Variants in DMD observed in about 807,000 individuals in gnomAD.
DMD encodes the protein mutant dystrophin.
In DMD, 63 loss-of-function variants were observed where a neutral mutation model predicts 330.1. The ratio of observed to expected loss-of-function variants is 0.19; its 90% CI spans 0.16 to 0.24. DMD has a LOEUF of 0.24. Ranked by LOEUF, DMD falls within the 10% of genes least tolerant of loss-of-function variation. DMD has a pLI of 1.00. For synonymous variants in DMD, 1,223 were observed against 959.8 expected, an observed-to-expected ratio of 1.27 and a Z score of -5.07; for missense variants, 3,344 against 2,684.1, an observed-to-expected ratio of 1.25 and a Z score of -5.43.
chrX:31,857,939 A>G (rs2093642016), intron 48 of DMD, among the ~76,000 whole-genome samples: 1 of 110,230 alleles, frequency 9.1e-6, no homozygotes, highest in Admixed American at 9.8e-5. Flanking sequence ...TCCCACTGAC[A>G]CTATTGCTCA....
chrX:33,321,469 C>A (rs1000353331), intron 1 of DMD, among the ~76,000 whole-genome samples: 1 of 111,200 alleles, frequency 9.0e-6, no homozygotes, highest in Non-Finnish European at 1.9e-5. Flanking sequence ...GTCTCAACCC[C>A]GGGCTTAAAA....
chrX:32,620,680 C>A (rs1162876444), intron 11 of DMD, among the ~76,000 whole-genome samples: 1 of 112,016 alleles, frequency 8.9e-6, no homozygotes, highest in African/African-American at 3.2e-5. Flanking sequence ...TTCAACAAAT[C>A]TTTACTGAGT....
At chrX:32,997,797 C>T (rs1006006405) in intron 2 of DMD, among the ~76,000 whole-genome samples, 2 of 111,571 alleles carry the variant, frequency 1.8e-5, no homozygotes, top group Non-Finnish European at 3.8e-5. Flanking sequence ...GAGACTGCAT[C>T]AGAGGAATCT....
At chrX:32,676,487 A>T (rs1393284314) in intron 9 of DMD, among the ~76,000 whole-genome samples, 1 of 111,448 alleles carries the variant, frequency 9.0e-6, no homozygotes, top group Non-Finnish European at 1.9e-5. Context: ...TCAGAATTTC[A>T]TTGCCATTTT....
intron 17 of DMD, among the ~76,000 whole-genome samples, chrX:32,531,799 C>A (rs1169624999): frequency 9.0e-6 from 1 of 110,672 alleles, no homozygotes; most frequent in East Asian, 2.8e-4. Flanking sequence ...AATTACTGTT[C>A]ATTGCTACAC....
intron 7 of DMD, among the ~76,000 whole-genome samples, chrX:32,703,853 C>T (rs1180681242): frequency 9.0e-6 from 1 of 111,639 alleles, no homozygotes; most frequent in African/African-American, 3.3e-5. Context: ...TATTACACGA[C>T]ATTAAGATTT....
intron 55 of DMD, among the ~76,000 whole-genome samples, chrX:31,621,685 G>C (rs375779009): frequency 1.8e-5 from 2 of 111,912 alleles, no homozygotes; most frequent in Non-Finnish European, 3.8e-5. Flanking sequence ...CAATAAGCTA[G>C]TAAGTGCTAA....
intron 55 of DMD, among the ~76,000 whole-genome samples, chrX:31,517,913 T>C (rs1004336243): frequency 4.7e-5 from 4 of 85,480 alleles, no homozygotes; most frequent in Non-Finnish European, 8.9e-5. Context: ...ATATGCTGTG[T>C]TTCAAACACA....
At chrX:31,621,389 T>C (rs2078522136) in intron 55 of DMD, among the ~76,000 whole-genome samples, 1 of 111,894 alleles carries the variant, frequency 8.9e-6, no homozygotes, top group African/African-American at 3.3e-5. Flanking sequence ...TCTCATATCT[T>C]TCCAATTCAT....
At chrX:32,802,977 C>A (rs2076688529) in intron 7 of DMD, among the ~76,000 whole-genome samples, 1 of 111,406 alleles carries the variant, frequency 9.0e-6, no homozygotes. Flanking sequence ...TGATGTTGGC[C>A]TCATAAAATG....
At chrX:32,925,092 T>G (rs952960941) in intron 2 of DMD, among the ~76,000 whole-genome samples, 1 of 107,706 alleles carries the variant, frequency 9.3e-6, no homozygotes, top group Non-Finnish European at 1.9e-5. Context: ...AATATGATTT[T>G]CAATGTCATA....
chrX:33,053,239 T>C (rs968895080), intron 1 of DMD, among the ~76,000 whole-genome samples: 4 of 111,412 alleles, frequency 3.6e-5, no homozygotes, highest in African/African-American at 9.8e-5. Flanking sequence ...TTTAGAAGCT[T>C]ACTAATGAGG....
At chrX:33,020,642 C>G (rs1335756047) in intron 1 of DMD, among the ~76,000 whole-genome samples, 1 of 111,650 alleles carries the variant, frequency 9.0e-6, no homozygotes, top group Non-Finnish European at 1.9e-5. Flanking sequence ...GCACTGCACT[C>G]CAGCGTGGGC....
At chrX:32,637,065 C>T (rs1859204625) in intron 11 of DMD, among the ~76,000 whole-genome samples, 1 of 111,648 alleles carries the variant, frequency 9.0e-6, no homozygotes, top group Admixed American at 9.5e-5. Flanking sequence ...TCAAATCAAT[C>T]TTCCTGATTA....
rs2095169670 is a variant in DMD, at chrX:31,951,159, G to GTGTATATATA, written c.6614+17179_6614+17180insTATATATACA. On this transcript the variant is annotated intron_variant, in intron 45 of 78. Coordinates refer to ENST00000357033, the MANE Select transcript of DMD (RefSeq NM_004006.3). ...TATATATGTGTATATATATATATATGTATATATATATATATGTATATATAT... is the reference window on the plus strand; with the variant it reads ...TATATATGTGTATATATATATATATGTGTATATATATATATATATATATATGTATATATAT... Among the ~76,000 whole-genome samples, 226 of 71,687 alleles carry GTGTATATATA rather than the reference G, an allele frequency of 3.2e-3. 3 individuals carry two copies. Among genetic ancestry groups the GTGTATATATA allele is most frequent in the African/African-American group, 0.012 (211 of 17,945 alleles). The allele number at this position is 71,687 out of a possible 115,157, so 62.3% of individuals were successfully genotyped here. A position where few individuals can be genotyped will look rare whatever the true frequency, so the allele number is the denominator to read the frequency against.
chrX:32,877,959 A>G (rs1373154745), intron 2 of DMD, among the ~76,000 whole-genome samples: 1 of 111,803 alleles, frequency 8.9e-6, no homozygotes, highest in African/African-American at 3.3e-5. Context: ...CCCTGAGAAC[A>G]TTTCCTTAAT....
chrX:31,310,675 C>G lies in DMD; in HGVS notation c.9224+12923G>C, dbSNP rs12012114. 2.0e-3 allele frequency among the ~76,000 whole-genome samples: 219 copies of G among 110,045 alleles called. 1 individual carries two copies. Among genetic ancestry groups the G allele is most frequent in the African/African-American group, 6.6e-3 (200 of 30,225 alleles). ...CAAGCAATCCTCCTGCCTCAGCATC[C>G]TGTGTGCCTGGGACCACAAGCACAT... On this transcript the variant is annotated intron_variant, in intron 62 of 78. Transcript: ENST00000357033.
At chrX:33,079,661 A>T (rs1295125677) in intron 1 of DMD, among the ~76,000 whole-genome samples, 1 of 111,769 alleles carries the variant, frequency 8.9e-6, no homozygotes, top group Non-Finnish European at 1.9e-5. Flanking sequence ...TATCTAAAAG[A>T]TTAGGCCAGA....
intron 59 of DMD, among the ~76,000 whole-genome samples, chrX:31,476,233 A>G (rs746408493): frequency 9.4e-6 from 1 of 106,896 alleles, no homozygotes; most frequent in Non-Finnish European, 1.9e-5. Flanking sequence ...TTGAGGGCTG[A>G]AGGAGAATTC....
Sources: allele counts gnomAD v4.1 joint callset (sites outside exome capture counted in the v4.1 genomes callset), GRCh38; gene constraint gnomAD v4.1.1; transcripts MANE v1.5; gene names NCBI Gene and HGNC (gene_info 2026-07-23, HGNC 2026-07-21).